Variants in LGSN observed in about 807,000 individuals in gnomAD.
LGSN encodes the protein lengsin.
A neutral mutation model predicts 19.5 loss-of-function variants in LGSN; 21 were observed. The observed-to-expected ratio is 1.07, with a 90% confidence interval of 0.76 to 1.55. The LOEUF (loss-of-function observed/expected upper bound fraction) is 1.55. Ranked by LOEUF, LGSN falls within the 40% of genes most tolerant of loss-of-function variation. The pLI is 0.00. For missense variants in LGSN, 673 were observed against 608.5 expected (o/e 1.11, Z -1.12); for synonymous variants, 257 against 215.6 (o/e 1.19, Z -1.68).
chr6:63,438,130 T>G, the LGSN span, among the ~76,000 whole-genome samples: 1 of 151,862 alleles, frequency 6.6e-6, no homozygotes, highest in Non-Finnish European at 1.5e-5. Context: ...AAACTATTTT[T>G]GGCCAGGTGC....
the LGSN span, among the ~76,000 whole-genome samples, chr6:63,449,623 A>G: frequency 2.7e-4 from 41 of 152,278 alleles, no homozygotes; most frequent in South Asian, 7.7e-3. Flanking sequence ...CAAAATTCCT[A>G]GAAAACAACC....
the LGSN span, among the ~76,000 whole-genome samples, chr6:63,490,574 T>TTTA: frequency 5.9e-5 from 9 of 152,018 alleles, no homozygotes; most frequent in East Asian, 1.9e-4. Flanking sequence ...TTATTTTTTA[T>TTTA]TTATTATTAT....
intron 2 of LGSN, among the ~76,000 whole-genome samples, chr6:63,294,678 C>A (rs1196240675): frequency 6.6e-6 from 1 of 151,316 alleles, no homozygotes; most frequent in Non-Finnish European, 1.5e-5. Flanking sequence ...TTTTTTTCTA[C>A]TACTGTCATC....
upstream of LGSN, among the ~76,000 whole-genome samples, chr6:63,323,582 A>G (rs866919308): frequency 0.024 from 3,598 of 150,904 alleles, 151 homozygotes; most frequent in African/African-American, 0.084. Context: ...ACACACACAC[A>G]CACACACACA....
At chr6:63,512,606 G>A in the LGSN span, among the ~76,000 whole-genome samples, 26 of 152,182 alleles carry the variant, frequency 1.7e-4, no homozygotes, top group Admixed American at 1.6e-3. Flanking sequence ...ATTGTGCAAA[G>A]GGTATGAGAC....
At chr6:63,550,296 C>G in the LGSN span, 4 of 152,118 alleles carry the variant, frequency 2.6e-5, no homozygotes, top group East Asian at 3.9e-4. Flanking sequence ...ATGTAATCAA[C>G]CAGGGCAGTG....
chr6:63,543,954 GAT>G, the LGSN span, among the ~76,000 whole-genome samples: 1 of 152,176 alleles, frequency 6.6e-6, no homozygotes, highest in Non-Finnish European at 1.5e-5. Context: ...TTTTTTTACA[GAT>G]ATAAAGAAAT....
chr6:63,322,955 T>C (rs7773899), upstream of LGSN, among the ~76,000 whole-genome samples: 447 of 152,286 alleles, frequency 2.9e-3, 3 homozygotes, highest in African/African-American at 0.01. Flanking sequence ...AAGTAAGCAA[T>C]GAGTAGAAAA....
chr6:63,555,692 CT>C, the LGSN span, among the ~76,000 whole-genome samples: 838 of 134,996 alleles, frequency 6.2e-3, no homozygotes, highest in African/African-American at 0.017. Flanking sequence ...CAATTACACT[CT>C]TTTTTTTTTT....
chr6:63,439,480 A>G, the LGSN span, among the ~76,000 whole-genome samples: 6 of 152,090 alleles, frequency 3.9e-5, no homozygotes, highest in East Asian at 1.2e-3. Flanking sequence ...GTGCCACTGC[A>G]CTCCGGCCTG....
At chr6:63,319,170 A>G (rs892196278) in intron 1 of LGSN, among the ~76,000 whole-genome samples, 23 of 152,332 alleles carry the variant, frequency 1.5e-4, no homozygotes, top group Non-Finnish European at 2.6e-4. Context: ...ACTACATGCA[A>G]AAGTGGGGAC....
At chr6:63,507,588 A>G in the LGSN span, among the ~76,000 whole-genome samples, 2 of 152,136 alleles carry the variant, frequency 1.3e-5, no homozygotes, top group East Asian at 1.9e-4. Context: ...AAATATCCAA[A>G]GCCAGTTTTC....
At chr6:63,281,290 G>A in intron 3 of LGSN, 70 bp from the exon 4 acceptor site, 2 of 706,918 alleles carry the variant, frequency 2.8e-6, no homozygotes. Context: ...CGGCGGGAAA[G>A]CCTTGCTAAT....
the LGSN span, among the ~76,000 whole-genome samples, chr6:63,336,792 C>T: frequency 6.6e-6 from 1 of 151,772 alleles, no homozygotes; most frequent in African/African-American, 2.4e-5. Context: ...CCACGCCCTG[C>T]TAATTTTTGT....
the LGSN span, among the ~76,000 whole-genome samples, chr6:63,567,394 T>C: frequency 3.3e-5 from 5 of 152,216 alleles, no homozygotes; most frequent in Non-Finnish European, 7.3e-5. Context: ...ATGAAAACAA[T>C]ATTACTCTCC....
At chr6:63,442,559 G>C in the LGSN span, among the ~76,000 whole-genome samples, 1 of 152,004 alleles carries the variant, frequency 6.6e-6, no homozygotes, top group Non-Finnish European at 1.5e-5. Context: ...CACTAGATTA[G>C]CTAGACACAG....
chr6:63,559,916 C>T, the LGSN span, among the ~76,000 whole-genome samples: 2 of 152,026 alleles, frequency 1.3e-5, no homozygotes, highest in South Asian at 2.1e-4. Flanking sequence ...GGTGATCCAC[C>T]GTGCCTGGCC....
At chr6:63,514,321 G>A in the LGSN span, among the ~76,000 whole-genome samples, 12 of 151,866 alleles carry the variant, frequency 7.9e-5, no homozygotes, top group South Asian at 2.1e-4. Flanking sequence ...TCTGCCTCCC[G>A]GGTTCAAGTG....
the LGSN span, among the ~76,000 whole-genome samples, chr6:63,569,805 G>A: frequency 9.9e-5 from 15 of 152,212 alleles, no homozygotes; most frequent in South Asian, 3.1e-3. Context: ...TTTGATGTCT[G>A]GAAGCACTAT....
Sources: allele counts gnomAD v4.1 joint callset (sites outside exome capture counted in the v4.1 genomes callset), GRCh38; gene constraint gnomAD v4.1.1; transcripts MANE v1.5; gene names NCBI Gene and HGNC (gene_info 2026-07-23, HGNC 2026-07-21).